SNTG2: variants seen among roughly 807,000 people sequenced by gnomAD.
SNTG2 encodes syntrophin gamma 2.
SNTG2 carries 74 observed loss-of-function variants against 70.9 expected under a neutral mutation model. That is an observed-to-expected ratio of 1.04 (90% CI 0.86 to 1.27). SNTG2 has a LOEUF of 1.27. Among genes scored for constraint, SNTG2 ranks in the 50% most tolerant of loss-of-function variants. The pLI is 0.00. For missense variants in SNTG2, 717 were observed against 690.7 expected (o/e 1.04, Z -0.43); for synonymous variants, 278 against 273.8 (o/e 1.02, Z -0.15).
intron 6 of SNTG2, among the ~76,000 whole-genome samples, chr2:1,162,790 T>A (rs1258885882): frequency 6.6e-6 from 1 of 152,112 alleles, no homozygotes; most frequent in Non-Finnish European, 1.5e-5. Flanking sequence ...GGGGGGAGGA[T>A]AGAATCAGAC....
At chr2:1,361,870 A>G (rs35518082) in intron 16 of SNTG2, among the ~76,000 whole-genome samples, 9 of 63,846 alleles carry the variant, frequency 1.4e-4, no homozygotes, top group Non-Finnish European at 2.0e-4. Context: ...CTTCCATGAA[A>G]GTCACCAACG....
chr2:1,148,445 G>A (rs974737160), intron 6 of SNTG2, among the ~76,000 whole-genome samples: 1 of 152,202 alleles, frequency 6.6e-6, no homozygotes, highest in Non-Finnish European at 1.5e-5. Flanking sequence ...GGGAGGCTGC[G>A]GGGCTGCTGT....
intron 1 of SNTG2, among the ~76,000 whole-genome samples, chr2:998,288 A>G (rs1035519270): frequency 2.6e-5 from 4 of 152,170 alleles, no homozygotes; most frequent in African/African-American, 9.7e-5. Flanking sequence ...CTCTAGCAGT[A>G]TATCCTAACC....
At chr2:974,306 GT>G (rs1268183489) in intron 1 of SNTG2, among the ~76,000 whole-genome samples, 1 of 152,186 alleles carries the variant, frequency 6.6e-6, no homozygotes, top group African/African-American at 2.4e-5. Context: ...GCTCCACATG[GT>G]GTAGCAGGAC....
At chr2:1,217,650 C>T (rs1289664618) in intron 9 of SNTG2, among the ~76,000 whole-genome samples, 7 of 152,012 alleles carry the variant, frequency 4.6e-5, no homozygotes, top group African/African-American at 1.7e-4. Flanking sequence ...ATTATGTAGT[C>T]TACATTTCTA....
chr2:1,263,338 G>A (rs1355207597), intron 13 of SNTG2, among the ~76,000 whole-genome samples: 1 of 151,916 alleles, frequency 6.6e-6, no homozygotes, highest in African/African-American at 2.4e-5. Flanking sequence ...ATTAATTATT[G>A]TCCTATTATT....
In SNTG2 at chr2:1,213,558, T is replaced by A. The variant is rs141828798; in HGVS notation, c.719+4328T>A. 2.1e-3 allele frequency among the ~76,000 whole-genome samples: 325 copies of A among 152,344 alleles called. 4 individuals carry two copies. Among genetic ancestry groups the A allele is most frequent in the East Asian group, 0.019 (98 of 5,186 alleles). ...TTATTTCATTCAGGGTTGGGGAGACTGGAGTCTGTGCTGGAAGCTCAGGGC... is the reference window on the plus strand; with the variant it reads ...TTATTTCATTCAGGGTTGGGGAGACAGGAGTCTGTGCTGGAAGCTCAGGGC... On this transcript the variant is annotated intron_variant, in intron 9 of 16. Coordinates refer to ENST00000308624, the MANE Select transcript of SNTG2 (RefSeq NM_018968.4).
At chr2:1,169,702 C>T (rs892863447) in intron 7 of SNTG2, among the ~76,000 whole-genome samples, 1 of 152,136 alleles carries the variant, frequency 6.6e-6, no homozygotes, top group African/African-American at 2.4e-5. Flanking sequence ...CTTCAATGAG[C>T]GTTGCTGCCG....
chr2:1,314,774 G>A (rs1389879917), intron 15 of SNTG2, among the ~76,000 whole-genome samples: 2 of 152,206 alleles, frequency 1.3e-5, no homozygotes, highest in Non-Finnish European at 2.9e-5. Context: ...GGCTGGGGAG[G>A]CCTCACAATC....
intron 1 of SNTG2, among the ~76,000 whole-genome samples, chr2:1,076,297 T>G (rs1449833940): frequency 6.6e-6 from 1 of 152,178 alleles, no homozygotes; most frequent in Non-Finnish European, 1.5e-5. Flanking sequence ...TGTTCCTTCC[T>G]TCCACCCGTA....
intron 1 of SNTG2, among the ~76,000 whole-genome samples, chr2:988,405 A>G (rs985318093): frequency 3.3e-5 from 5 of 152,192 alleles, no homozygotes; most frequent in Non-Finnish European, 7.3e-5. Flanking sequence ...CCAGATGTCA[A>G]ATAAGTAGAA....
chr2:1,221,419 TTGTCTCTGTCTCTCTCTGTCTC>T lies in SNTG2; in HGVS notation c.719+12219_719+12240del, dbSNP rs963838202. On this transcript the variant is annotated intron_variant, in intron 9 of 16. Coordinates refer to ENST00000308624, the MANE Select transcript of SNTG2 (RefSeq NM_018968.4). The stretch of plus-strand genomic sequence containing the variant: ...TCTCTGTCCCTCTCAGTCTCTGGTT[TTGTCTCTGTCTCTCTCTGTCTC>T]TGTCTCTGTCTCTCTCTGTCTCTGT... Among the ~76,000 whole-genome samples the T allele has an allele frequency of 5.8e-5, 8 of 138,006 alleles. No homozygotes were observed. The East Asian group carries it at 8.7e-4, about 15-fold the overall frequency. 90.5% of individuals were successfully genotyped at this position (138,006 alleles called of 152,430 possible).
chr2:956,055 GCCCCTA>G (rs1180955232), intron 1 of SNTG2, among the ~76,000 whole-genome samples: 4 of 60,942 alleles, frequency 6.6e-5, no homozygotes, highest in East Asian at 3.5e-4. Flanking sequence ...CCCTGCCCCT[GCCCCTA>G]CCCCTGACCC....
intron 13 of SNTG2, among the ~76,000 whole-genome samples, chr2:1,263,830 T>C (rs1381605993): frequency 6.6e-6 from 1 of 152,198 alleles, no homozygotes; most frequent in African/African-American, 2.4e-5. Flanking sequence ...AAGTGGAGGC[T>C]CTGAGAGAGT....
At chr2:1,115,058 G>A (rs1457316610) in intron 4 of SNTG2, among the ~76,000 whole-genome samples, 2 of 151,938 alleles carry the variant, frequency 1.3e-5, no homozygotes, top group African/African-American at 4.8e-5. Context: ...CCTTTGAGAA[G>A]GATCGTGTGT....
Position 1,067,889 on chromosome 2 carries a change from G to A in SNTG2, c.73-15629G>A, listed in dbSNP as rs916413150. ...CAGGGACAGTGCATCGCTTTCCCCG[G>A]GAGGAAGTGCAGGCTTATGGGTCCC... is the stretch of plus-strand genomic sequence containing the variant. On this transcript the variant is annotated intron_variant, in intron 1 of 16. Coordinates refer to ENST00000308624, the MANE Select transcript of SNTG2 (RefSeq NM_018968.4). Among the ~76,000 whole-genome samples, 19 of 152,268 alleles carry A rather than the reference G, an allele frequency of 1.2e-4. 1 individual carries two copies. Among genetic ancestry groups the A allele is most frequent in the African/African-American group, 4.3e-4 (18 of 41,574 alleles).
rs1659927676 is a variant in SNTG2 at position 950,883 on chromosome 2, G to C, written c.-114G>C. The C allele has an allele frequency of 2.7e-6, 1 of 367,932 alleles. No individual in the cohort carries two copies. The highest frequency in any genetic ancestry group is 5.3e-5 in the Admixed American group (1 of 18,780). 22.8% of individuals were successfully genotyped at this position (367,932 alleles called of 1,614,324 possible). A position where few individuals can be genotyped will look rare whatever the true frequency, so the allele number is the denominator to read the frequency against. ...CCCCGGTGGAGCCCGAGCCGGAGCC[G>C]GCAGAGGGGCGCGGGCGCGGACGCG... On this transcript the variant is annotated 5_prime_UTR_variant, in exon 1 of 17. Transcript: ENST00000308624.
At chr2:1,072,349 C>CTTTTTTTTTTTT (rs201149926) in intron 1 of SNTG2, among the ~76,000 whole-genome samples, 1 of 61,434 alleles carries the variant, frequency 1.6e-5, no homozygotes, top group African/African-American at 4.7e-5. Context: ...TTTTCTTTTT[C>CTTTTTTTTTTTT]TTTTTTTTTT....
At chr2:1,271,584 A>G (rs1280244160) in intron 14 of SNTG2, among the ~76,000 whole-genome samples, 2 of 152,260 alleles carry the variant, frequency 1.3e-5, no homozygotes, top group South Asian at 2.1e-4. Flanking sequence ...TATTGTTGCT[A>G]TTATTTTCCA....
Sources: allele counts gnomAD v4.1 joint callset (sites outside exome capture counted in the v4.1 genomes callset), GRCh38; gene constraint gnomAD v4.1.1; transcripts MANE v1.5; gene names NCBI Gene and HGNC (gene_info 2026-07-23, HGNC 2026-07-21).